Variants in UBE2E2 observed in about 807,000 individuals in gnomAD.
The protein encoded by UBE2E2 is ubiquitin-conjugating enzyme E2 E2.
UBE2E2 carries 6 observed loss-of-function variants against 24.7 expected under a neutral mutation model. The ratio of observed to expected loss-of-function variants is 0.24; its 90% CI spans 0.13 to 0.48. The LOEUF (loss-of-function observed/expected upper bound fraction) is 0.48, where lower values mean the gene tolerates loss of function less well. UBE2E2 is among the 20% of genes least tolerant of loss of function. UBE2E2 has a pLI of 0.99. For missense variants in UBE2E2, 169 were observed against 245.0 expected (o/e 0.69, Z 2.07); for synonymous variants, 104 against 83.6 (o/e 1.24, Z -1.33).
At chr3:23,242,192 A>G (rs147637418) in intron 3 of UBE2E2, among the ~76,000 whole-genome samples, 1 of 152,230 alleles carries the variant, frequency 6.6e-6, no homozygotes, top group Non-Finnish European at 1.5e-5. Context: ...TTGACCTCCC[A>G]AAGCACTGGG....
chr3:23,469,348 A>G (rs1039318031), intron 3 of UBE2E2, among the ~76,000 whole-genome samples: 1 of 152,224 alleles, frequency 6.6e-6, no homozygotes, highest in African/African-American at 2.4e-5. Flanking sequence ...TAAAGAATGG[A>G]TATTGTTCTT....
At chr3:23,553,963 A>C (rs961310019) in intron 5 of UBE2E2, among the ~76,000 whole-genome samples, 1 of 152,164 alleles carries the variant, frequency 6.6e-6, no homozygotes. Context: ...TAAAATGCCC[A>C]TACTACCAAA....
intron 4 of UBE2E2, among the ~76,000 whole-genome samples, chr3:23,525,023 A>C (rs766457469): frequency 2.0e-5 from 3 of 152,096 alleles, no homozygotes; most frequent in Non-Finnish European, 2.9e-5. Flanking sequence ...AGCATGGCTG[A>C]GTTCATTCTT....
rs116629031 is a variant in UBE2E2, at chr3:23,303,435, C to T, written c.227+86123C>T. ...TGCTGGTGCCAGAAAGGTTGGGGACCGCTGAAATAACAGAAATCCTCACTA... is the reference window on the plus strand; with the variant it reads ...TGCTGGTGCCAGAAAGGTTGGGGACTGCTGAAATAACAGAAATCCTCACTA... On this transcript the variant is annotated intron_variant, in intron 3 of 5. Coordinates refer to ENST00000396703, the MANE Select transcript of UBE2E2 (RefSeq NM_152653.4). Among the ~76,000 whole-genome samples the T allele has an allele frequency of 2.0e-3, 299 of 152,120 alleles. 1 individual carries two copies. Among genetic ancestry groups the T allele is most frequent in the African/African-American group, 6.5e-3 (268 of 41,504 alleles).
At chr3:23,274,982 A>G (rs1025950594) in intron 3 of UBE2E2, among the ~76,000 whole-genome samples, 5 of 152,194 alleles carry the variant, frequency 3.3e-5, no homozygotes, top group Admixed American at 6.5e-5. Flanking sequence ...GGACTGTTCA[A>G]TGTAATCCTC....
At chr3:23,305,685 A>G (rs1435580410) in intron 3 of UBE2E2, among the ~76,000 whole-genome samples, 3 of 152,150 alleles carry the variant, frequency 2.0e-5, no homozygotes, top group Non-Finnish European at 4.4e-5. Flanking sequence ...ACAGTGTTTA[A>G]TGGTCCCCTT....
intron 3 of UBE2E2, among the ~76,000 whole-genome samples, chr3:23,419,540 G>A (rs1697743751): frequency 6.6e-6 from 1 of 152,136 alleles, no homozygotes; most frequent in Admixed American, 6.5e-5. Flanking sequence ...AATTACCTGG[G>A]AAGCTTTTAA....
intron 3 of UBE2E2, among the ~76,000 whole-genome samples, chr3:23,264,133 T>C (rs1433311199): frequency 1.3e-5 from 2 of 152,154 alleles, no homozygotes; most frequent in African/African-American, 4.8e-5. Context: ...TTAAGTATCT[T>C]ACCAAAATTT....
intron 3 of UBE2E2, among the ~76,000 whole-genome samples, chr3:23,327,265 G>A (rs1694926509): frequency 2.6e-5 from 4 of 152,162 alleles, no homozygotes; most frequent in African/African-American, 7.2e-5. Context: ...TTCCACAATG[G>A]TTGAACTAGT....
intron 3 of UBE2E2, among the ~76,000 whole-genome samples, chr3:23,294,272 A>C (rs961568107): frequency 2.6e-5 from 4 of 152,220 alleles, no homozygotes; most frequent in African/African-American, 9.6e-5. Flanking sequence ...AGCCATAATA[A>C]TAAATCAGTA....
intron 3 of UBE2E2, chr3:23,389,774 G>T (rs1696890412): frequency 5.9e-6 from 1 of 170,460 alleles, no homozygotes; most frequent in Non-Finnish European, 1.3e-5. Flanking sequence ...GAGTAATGTT[G>T]GTAGGTGCAC....
intron 3 of UBE2E2, among the ~76,000 whole-genome samples, chr3:23,495,370 C>T (rs1699579223): frequency 6.6e-6 from 1 of 152,118 alleles, no homozygotes; most frequent in Admixed American, 6.5e-5. Flanking sequence ...CTCAGCCACA[C>T]TATTTGGTAG....
intron 3 of UBE2E2, among the ~76,000 whole-genome samples, chr3:23,364,087 AC>A (rs1262537351): frequency 6.6e-6 from 1 of 152,080 alleles, no homozygotes; most frequent in Non-Finnish European, 1.5e-5. Flanking sequence ...AGTACAACAT[AC>A]CAGAATCTCT....
intron 4 of UBE2E2, among the ~76,000 whole-genome samples, chr3:23,520,099 T>C (rs1575681691): frequency 6.6e-6 from 1 of 151,098 alleles, no homozygotes; most frequent in East Asian, 1.9e-4. Flanking sequence ...ATTTTCTTTA[T>C]TATTTTTTTC....
In UBE2E2 at chr3:23,414,690, C is replaced by T. The variant is rs144760205; in HGVS notation, c.228-84918C>T. Among the ~76,000 whole-genome samples, 212 of 152,220 alleles carry T rather than the reference C, an allele frequency of 1.4e-3. 3 individuals carry two copies. The East Asian group carries it at 0.019, about 14-fold the overall frequency. On this transcript the variant is annotated intron_variant, in intron 3 of 5. Coordinates refer to ENST00000396703, the MANE Select transcript of UBE2E2 (RefSeq NM_152653.4). ...TCTTATGTTGAAATCTCATCCCCAG[C>T]GCAATAATATTAAGAGGTGAGGCCT...
intron 5 of UBE2E2, among the ~76,000 whole-genome samples, chr3:23,578,178 G>GA (rs1371397563): frequency 6.6e-6 from 1 of 151,980 alleles, no homozygotes; most frequent in African/African-American, 2.4e-5. Flanking sequence ...ATAAAAATAT[G>GA]AAAAAAAGCT....
chr3:23,558,589 A>G (rs1020919125), intron 5 of UBE2E2, among the ~76,000 whole-genome samples: 5 of 152,192 alleles, frequency 3.3e-5, no homozygotes, highest in Non-Finnish European at 4.4e-5. Flanking sequence ...TGGTTAATTT[A>G]TAGAATCTTA....
At chr3:23,587,449 T>TAA (rs1023840343) in intron 5 of UBE2E2, among the ~76,000 whole-genome samples, 1 of 152,218 alleles carries the variant, frequency 6.6e-6, no homozygotes, top group African/African-American at 2.4e-5. Context: ...CATTGAGCCT[T>TAA]ACCTTCATCA....
At chr3:23,287,822 CT>C (rs1234710555) in intron 3 of UBE2E2, among the ~76,000 whole-genome samples, 1 of 139,996 alleles carries the variant, frequency 7.1e-6, no homozygotes, top group South Asian at 2.3e-4. Context: ...GGTGTTTTCT[CT>C]TTTTTTCTTA....
Sources: allele counts gnomAD v4.1 joint callset (sites outside exome capture counted in the v4.1 genomes callset), GRCh38; gene constraint gnomAD v4.1.1; transcripts MANE v1.5; gene names NCBI Gene and HGNC (gene_info 2026-07-23, HGNC 2026-07-21).